CACNA1E: variants seen among roughly 807,000 people sequenced by gnomAD.
CACNA1E encodes calcium voltage-gated channel subunit alpha1 E, also known as voltage-dependent R-type calcium channel subunit alpha-1E.
CACNA1E carries 40 observed loss-of-function variants against 259.2 expected under a neutral mutation model. The ratio of observed to expected loss-of-function variants is 0.15; its 90% CI spans 0.12 to 0.20. The LOEUF is 0.20. Among genes scored for constraint, CACNA1E ranks in the 10% least tolerant of loss-of-function variants. The pLI is 1.00. For synonymous variants in CACNA1E, 1,104 were observed against 1,138.5 expected, an observed-to-expected ratio of 0.97 and a Z score of 0.61; for missense variants, 1,874 against 3,040.1, an observed-to-expected ratio of 0.62 and a Z score of 9.02.
At chr1:181,744,956 G>A (rs1656919497) in intron 25 of CACNA1E, among the ~76,000 whole-genome samples, 1 of 152,198 alleles carries the variant, frequency 6.6e-6, no homozygotes, top group Admixed American at 6.5e-5. Flanking sequence ...TTTGTTTCCT[G>A]ACACTCCAGT....
intron 3 of CACNA1E, among the ~76,000 whole-genome samples, chr1:181,511,840 G>A (rs897263001): frequency 6.6e-6 from 1 of 152,206 alleles, no homozygotes; most frequent in Non-Finnish European, 1.5e-5. Context: ...ATTTCCCAAT[G>A]AGCCTTTTCA....
intron 2 of CACNA1E, among the ~76,000 whole-genome samples, chr1:181,445,621 G>A (rs930473486): frequency 6.6e-6 from 1 of 152,230 alleles, no homozygotes; most frequent in Non-Finnish European, 1.5e-5. Flanking sequence ...AGGAGTATGA[G>A]GTACAACAGG....
rs560761120 is a variant in CACNA1E at position 181,623,154 on chromosome 1, T to A, written c.952-28184T>A. On this transcript the variant is annotated intron_variant, in intron 6 of 47. Transcript: ENST00000367573. ...CCCACCTTTCCAATTATGCAACCCC[T>A]CAGTTAAAATCGCCATCTCCAGAAG... Among the ~76,000 whole-genome samples, 87 of 152,268 alleles carry A rather than the reference T, an allele frequency of 5.7e-4. 1 individual carries two copies. The South Asian group carries it at 8.5e-3, about 15-fold the overall frequency.
intron 2 of CACNA1E, 128 bp downstream of exon 2, chr1:181,510,710 A>T (rs988072545): frequency 1.2e-5 from 8 of 664,106 alleles, no homozygotes; most frequent in Non-Finnish European, 2.2e-5. Flanking sequence ...TTGCTGGGGG[A>T]CAAGCTAATG....
intron 8 of CACNA1E, among the ~76,000 whole-genome samples, chr1:181,711,420 T>G (rs1653351735): frequency 6.6e-6 from 1 of 152,200 alleles, no homozygotes; most frequent in African/African-American, 2.4e-5. Flanking sequence ...ATTGAGTGCC[T>G]ACTTTGTGCC....
At position 181,798,956 on chromosome 1, in the gene CACNA1E, A is replaced by G. The variant is rs555058424; in HGVS notation, c.*122A>G. 2.0e-5 allele frequency: 17 copies of G among 844,786 alleles called. No homozygotes were observed. Among genetic ancestry groups the G allele is most frequent in the Admixed American group, 3.2e-5 (1 of 30,832 alleles). The allele number at this position is 844,786 out of a possible 1,614,324, so 52.3% of individuals were successfully genotyped here. On this transcript the variant is annotated 3_prime_UTR_variant, in exon 48 of 48. Coordinates refer to ENST00000367573, the MANE Select transcript of CACNA1E (RefSeq NM_001205293.3). This position sits in a 1 kb window ranked among gnomAD's most constrained non-coding sequence, Gnocchi z 4.2. ...AAAGGAAGATGGAAGGACACCATGC[A>G]TTATCAGAGAAGAGGAAGTAAAGGA...
At chr1:181,608,021 G>A (rs1014356059) in intron 6 of CACNA1E, among the ~76,000 whole-genome samples, 2 of 152,184 alleles carry the variant, frequency 1.3e-5, no homozygotes, top group African/African-American at 4.8e-5. Context: ...GAGGAAATGA[G>A]GTTGTTAGAG....
intron 45 of CACNA1E, 29 bp downstream of exon 45, chr1:181,793,822 G>A: frequency 6.2e-7 from 1 of 1,606,268 alleles, no homozygotes; most frequent in Non-Finnish European, 8.5e-7. Flanking sequence ...CATTAATGCA[G>A]TGGCATCCGG....
In CACNA1E at chr1:181,776,252, C is replaced by T; in HGVS notation, c.5267+24C>T. ...TGGTGCGTAGGCCCCTCGGCCGCCC[C>T]AGCGGGGCCCAGAGCAAAGGTCTCT... is the stretch of plus-strand genomic sequence containing the variant. On this transcript the variant is annotated intron_variant, in intron 38 of 47. Transcript: ENST00000367573. This position sits in a 1 kb window ranked among gnomAD's most constrained non-coding sequence, Gnocchi z 4.4. 1 of 1,613,234 alleles carries T rather than the reference C, an allele frequency of 6.2e-7. No homozygotes were observed. Among genetic ancestry groups the T allele is most frequent in the Non-Finnish European group, 8.5e-7 (1 of 1,179,178 alleles).
At chr1:181,434,162 A>G (rs1214965728) in intron 2 of CACNA1E, among the ~76,000 whole-genome samples, 2 of 152,162 alleles carry the variant, frequency 1.3e-5, no homozygotes, top group Non-Finnish European at 1.5e-5. Flanking sequence ...GTATGTCCTT[A>G]TCTGTAAAGT....
At chr1:181,460,219 C>T (rs60130697) in intron 2 of CACNA1E, among the ~76,000 whole-genome samples, 11,833 of 152,156 alleles carry the variant, frequency 0.078, 1,233 homozygotes, top group African/African-American at 0.24. Flanking sequence ...ATGATATGGT[C>T]TGTTAGACTT....
At chr1:181,754,556 T>C (rs922163369) in intron 27 of CACNA1E, among the ~76,000 whole-genome samples, 1 of 152,186 alleles carries the variant, frequency 6.6e-6, no homozygotes, top group Non-Finnish European at 1.5e-5. Context: ...TTAACTGAAG[T>C]GTAAGTCCCT....
chr1:181,509,762 A>G (rs1666009279), intron 1 of CACNA1E, among the ~76,000 whole-genome samples: 1 of 152,324 alleles, frequency 6.6e-6, no homozygotes, highest in Admixed American at 6.5e-5. Flanking sequence ...TGTGGTTCTT[A>G]CAGGACTGGA....
intron 6 of CACNA1E, among the ~76,000 whole-genome samples, chr1:181,613,113 CCA>C (rs1654896747): frequency 6.6e-6 from 1 of 152,196 alleles, no homozygotes; most frequent in South Asian, 2.1e-4. Context: ...GTATCAAATA[CCA>C]CACAGTTTCT....
chr1:181,642,326 G>C (rs190310421), intron 6 of CACNA1E, among the ~76,000 whole-genome samples: 1 of 152,306 alleles, frequency 6.6e-6, no homozygotes, highest in Non-Finnish European at 1.5e-5. Flanking sequence ...TTGTTAGTAA[G>C]AGGGGAGAGG....
Position 181,794,960 on chromosome 1 carries a change from A to G in CACNA1E, c.6124A>G (p.Ser2042Gly). The G allele has an allele frequency of 6.2e-7, 1 of 1,613,974 alleles. No individual in the cohort carries two copies. Among genetic ancestry groups the G allele is most frequent in the Non-Finnish European group, 8.5e-7 (1 of 1,179,864 alleles). ...SWLEEFSMER[S>G]SENTYKSRRR... Reference sequence around the variant, plus strand: ...GTTGGAGGAATTCTCCATGGAGCGAAGCAGTGAAAATACCTACAAGTCCCG... The same window carrying G: ...GTTGGAGGAATTCTCCATGGAGCGAGGCAGTGAAAATACCTACAAGTCCCG... Residue 2042 changes from serine (S) to glycine (G), a missense_variant, in exon 46 of 48, where the codon AGC (serine) becomes GGC (glycine). By Grantham distance (56) the Ser-to-Gly change is moderately conservative (BLOSUM62 0). Coordinates refer to ENST00000367573, the MANE Select transcript of CACNA1E (RefSeq NM_001205293.3).
chr1:181,766,692 C>A, intron 35 of CACNA1E, 81 bp downstream of exon 35: 1 of 1,035,468 alleles, frequency 9.7e-7, no homozygotes, highest in Non-Finnish European at 1.5e-6. Context: ...GCATGCAAGA[C>A]CTGAAGATGC....
In CACNA1E at chr1:181,372,828, A is replaced by ATATATATAT. The variant is rs1491221060; in HGVS notation, c.-14-40304_-14-40303insATATATATT. 6.0e-4 allele frequency among the ~76,000 whole-genome samples: 61 copies of ATATATATAT among 101,644 alleles called. 1 individual carries two copies. The highest frequency in any genetic ancestry group is 2.3e-3 in the Admixed American group (23 of 9,936). The allele number at this position is 101,644 out of a possible 152,430, so 66.7% of individuals were successfully genotyped here. A position where few individuals can be genotyped will look rare whatever the true frequency, so the allele number is the denominator to read the frequency against. On this transcript the variant is annotated intron_variant, in intron 1 of 11. Coordinates refer to the CACNA1E transcript ENST00000524607. ...ATGTTGAATATATATATATATATAT[A>ATATATATAT]TTTTTTTTTTAACATGAAGGGATAT... is the stretch of plus-strand genomic sequence containing the variant.
chr1:181,693,259 A>G (rs564235339), intron 7 of CACNA1E, among the ~76,000 whole-genome samples: 13 of 152,224 alleles, frequency 8.5e-5, no homozygotes, highest in Admixed American at 8.5e-4. Flanking sequence ...TTCTCAAAGA[A>G]TTTAAAACAA....
Sources: allele counts gnomAD v4.1 joint callset (sites outside exome capture counted in the v4.1 genomes callset), GRCh38; gene constraint gnomAD v4.1.1; non-coding constraint Gnocchi (gnomAD v3.1); transcripts MANE v1.5; gene names NCBI Gene and HGNC (gene_info 2026-07-23, HGNC 2026-07-21).